CLDN18: variants seen among roughly 807,000 people sequenced by gnomAD.
CLDN18 encodes the protein claudin-18.
In CLDN18, 20 loss-of-function variants were observed where a neutral mutation model predicts 25.0. The observed-to-expected ratio is 0.80, with a 90% CI of 0.56 to 1.16. The LOEUF (loss-of-function observed/expected upper bound fraction) is 1.16, where lower values mean the gene tolerates loss of function less well. CLDN18 is among the 50% of genes most tolerant of loss of function. The probability of loss-of-function intolerance (pLI) is 0.00; values close to 1 mark genes in which losing one functional copy is unlikely to be tolerated. For missense variants in CLDN18, 297 were observed against 345.4 expected, an observed-to-expected ratio of 0.86 and a Z score of 1.11; for synonymous variants, 125 against 135.6, an observed-to-expected ratio of 0.92 and a Z score of 0.54.
At chr3:138,010,018 T>G (rs1942113154), upstream of CLDN18, 6 of 823,468 alleles carry the variant, frequency 7.3e-6, no homozygotes, top group Non-Finnish European at 1.1e-5. Flanking sequence ...AAGTGCCTCT[T>G]GGGCCCGCTT....
intron 3 of CLDN18, among the ~76,000 whole-genome samples, chr3:138,027,772 C>T (rs1942342643): frequency 6.6e-6 from 1 of 152,298 alleles, no homozygotes; most frequent in South Asian, 2.1e-4. Flanking sequence ...TGTCAGGGCC[C>T]ATGGACCAGA....
At chr3:138,011,185 T>C (rs1028996090) in intron 1 of CLDN18, among the ~76,000 whole-genome samples, 20 of 152,208 alleles carry the variant, frequency 1.3e-4, no homozygotes, top group African/African-American at 4.6e-4. Flanking sequence ...GGGAGCTCTA[T>C]TTGTATTTTT....
chr3:138,008,782 C>T (rs563153725), upstream of CLDN18, among the ~76,000 whole-genome samples: 3 of 151,000 alleles, frequency 2.0e-5, no homozygotes, highest in South Asian at 6.3e-4. Context: ...AAAAATTAGC[C>T]GGGTGTGGTG....
rs547150299 is a variant in CLDN18, at chr3:138,012,706, G to A, written c.220+2261G>A. On this transcript the variant is annotated intron_variant, in intron 1 of 4. Coordinates refer to ENST00000183605, the MANE Select transcript of CLDN18 (RefSeq NM_016369.4). ...CCCGCGTGACACTGCTCTCAAATCT[G>A]AGAAGCATTTATTGCATACCTACAA... 1.0e-3 allele frequency among the ~76,000 whole-genome samples: 152 copies of A among 152,350 alleles called. 1 individual carries two copies. The highest frequency in any genetic ancestry group is 3.6e-3 in the African/African-American group (150 of 41,576).
chr3:138,031,684 C>A lies in CLDN18; in HGVS notation c.*543C>A, dbSNP rs1942398194. On this transcript the variant is annotated 3_prime_UTR_variant, in exon 5 of 5. Transcript: ENST00000183605. ...CTCTCCAGCCCATGATCTCGGTTTTCTTACACTGTGATCTTAAAAGTTACC... is the reference window on the plus strand; with the variant it reads ...CTCTCCAGCCCATGATCTCGGTTTTATTACACTGTGATCTTAAAAGTTACC... The A allele has an allele frequency of 6.6e-6, 1 of 152,186 alleles. No homozygotes were observed. Among genetic ancestry groups the A allele is most frequent in the South Asian group, 2.1e-4 (1 of 4,830 alleles). The allele number at this position is 152,186 out of a possible 1,614,324, so 9.4% of individuals were successfully genotyped here.
chr3:138,032,558 GT>G lies in CLDN18; in HGVS notation c.*1419del, dbSNP rs2107892324. 1 of 152,110 alleles carries G rather than the reference GT, an allele frequency of 6.6e-6. No homozygotes were observed. Among genetic ancestry groups the G allele is most frequent in the African/African-American group, 2.4e-5 (1 of 41,486 alleles). The allele number at this position is 152,110 out of a possible 1,614,324, so 9.4% of individuals were successfully genotyped here. ...AGTGACAGGTATCCACATTTGCATGGTTACAAGCCACTGCCAGTTAGCAGTA... is the reference window on the plus strand; with the variant it reads ...AGTGACAGGTATCCACATTTGCATGGTACAAGCCACTGCCAGTTAGCAGTA... On this transcript the variant is annotated 3_prime_UTR_variant, in exon 5 of 5. Transcript: ENST00000183605.
Position 138,029,837 on chromosome 3 carries a change from G to A in CLDN18, c.544G>A (p.Gly182Arg). ...GGCTCTGTTCGTGGGCTGGGTCGCT[G>A]GAGGCCTCACACTAATTGGGGGTGT... is the stretch of plus-strand genomic sequence containing the variant. ...GAALFVGWVA[G>R]GLTLIGGVMM... The change falls in exon 4 of 5, where the codon GGA becomes AGA. Residue 182 changes from glycine to arginine, a missense_variant. Coordinates refer to ENST00000183605, the MANE Select transcript of CLDN18 (RefSeq NM_016369.4). 18 of 1,594,380 alleles carry A rather than the reference G, an allele frequency of 1.1e-5. No homozygotes were observed. The highest frequency in any genetic ancestry group is 1.5e-5 in the Non-Finnish European group (18 of 1,171,528).
At chr3:137,999,425 G>T (rs1161775386) in intron 1 of CLDN18, among the ~76,000 whole-genome samples, 2 of 152,204 alleles carry the variant, frequency 1.3e-5, no homozygotes, top group Admixed American at 1.3e-4. Context: ...CGGCCACTTT[G>T]TTCCTTCGGC....
At chr3:138,010,567 A>C in intron 1 of CLDN18, 122 bp downstream of exon 1, 1 of 1,263,430 alleles carries the variant, frequency 7.9e-7, no homozygotes, top group Non-Finnish European at 1.1e-6. Flanking sequence ...TCAGAATGAA[A>C]GGTGTGAATA....
chr3:138,031,322 C>T lies in CLDN18; in HGVS notation c.*181C>T. ...TCAGTCTCTGTCTCTAAATATTCCA[C>T]CATAAAACAGCTGAGTTATTTATGA... On this transcript the variant is annotated 3_prime_UTR_variant, in exon 5 of 5. Coordinates refer to ENST00000183605, the MANE Select transcript of CLDN18 (RefSeq NM_016369.4). 2.2e-6 allele frequency: 1 copy of T among 447,932 alleles called. No homozygotes were observed. The highest frequency in any genetic ancestry group is 3.9e-6 in the Non-Finnish European group (1 of 257,488). 27.7% of individuals were successfully genotyped at this position (447,932 alleles called of 1,614,324 possible). A position where few individuals can be genotyped will look rare whatever the true frequency, so the allele number is the denominator to read the frequency against.
At chr3:138,025,921 A>G (rs893990147) in intron 3 of CLDN18, among the ~76,000 whole-genome samples, 7 of 152,048 alleles carry the variant, frequency 4.6e-5, no homozygotes, top group African/African-American at 1.4e-4. Context: ...AATGCCTGCC[A>G]TCACTCTCTC....
At chr3:137,998,838 G>A (rs763678640) in exon 1 of CLDN18, 15 of 1,605,388 alleles carry the variant, frequency 9.3e-6, no homozygotes, top group East Asian at 4.5e-5. Context: ...TCCACTTGTC[G>A]TGTGGCTCTG....
intron 1 of CLDN18, among the ~76,000 whole-genome samples, chr3:137,999,324 C>T (rs1351871306): frequency 1.3e-5 from 2 of 152,210 alleles, no homozygotes; most frequent in Admixed American, 6.5e-5. Context: ...GCCCAATTCT[C>T]CCAGAGGAAC....
chr3:138,016,964 G>A (rs1942213243), intron 1 of CLDN18, among the ~76,000 whole-genome samples: 1 of 152,008 alleles, frequency 6.6e-6, no homozygotes, highest in South Asian at 2.1e-4. Context: ...GCTGAGACAG[G>A]AGAATTGCTT....
chr3:138,003,174 A>C (rs1942036340), intron 1 of CLDN18, among the ~76,000 whole-genome samples: 1 of 152,168 alleles, frequency 6.6e-6, no homozygotes, highest in African/African-American at 2.4e-5. Context: ...CCCACCAGAC[A>C]AGAGTAGCAT....
chr3:138,033,033 G>A lies in CLDN18; in HGVS notation c.*1892G>A, dbSNP rs574804358. On this transcript the variant is annotated 3_prime_UTR_variant, in exon 5 of 5. Coordinates refer to ENST00000183605, the MANE Select transcript of CLDN18 (RefSeq NM_016369.4). ...GAACTTGGCCATTAGGTTATTATTTGAGAGGAAAGTCCTCACATCAATAGT... is the reference window on the plus strand; with the variant it reads ...GAACTTGGCCATTAGGTTATTATTTAAGAGGAAAGTCCTCACATCAATAGT... The A allele has an allele frequency of 2.6e-5, 4 of 152,332 alleles. No homozygotes were observed. In the South Asian group the frequency reaches 8.3e-4, roughly 32 times the overall value. 9.4% of individuals were successfully genotyped at this position (152,332 alleles called of 1,614,324 possible).
chr3:138,024,564 C>T (rs1461021478), intron 2 of CLDN18, 43 bp from the exon 3 acceptor site: 1 of 1,181,054 alleles, frequency 8.5e-7, no homozygotes, highest in Non-Finnish European at 1.3e-6. Flanking sequence ...ACATTGTAAT[C>T]CCTTGAAACT....
rs1942304542 is a variant in CLDN18, at chr3:138,024,659, C to G, written c.438C>G (p.Asn146Lys). ...TGTTTGCCAACATGCTGGTGACTAA[C>G]TTCTGGATGTCCACAGCTAACATGT... ...VSVFANMLVT[N>K]FWMSTANMYT... The change falls in exon 3 of 5, where the codon AAC becomes AAG. Residue 146 changes from asparagine to lysine, a missense_variant. Coordinates refer to ENST00000183605, the MANE Select transcript of CLDN18 (RefSeq NM_016369.4). The G allele has an allele frequency of 6.2e-7, 1 of 1,613,852 alleles. No homozygotes were observed. Among genetic ancestry groups the G allele is most frequent in the Non-Finnish European group, 8.5e-7 (1 of 1,179,850 alleles).
In CLDN18 at chr3:137,999,131, G is replaced by C. The variant is rs759249228; in HGVS notation, c.220+43G>C. On this transcript the variant is annotated intron_variant, in intron 1 of 4. Transcript: ENST00000343735. ...GGCTGGCTGGAGGGAGAGATTGGAG[G>C]TGGAGAGGAAACTGCAGGCTCTGTC... The C allele has an allele frequency of 1.9e-6, 3 of 1,568,560 alleles. No homozygotes were observed. The African/African-American group carries it at 4.1e-5, about 21-fold the overall frequency.
Sources: allele counts gnomAD v4.1 joint callset (sites outside exome capture counted in the v4.1 genomes callset), GRCh38; gene constraint gnomAD v4.1.1; transcripts MANE v1.5; gene names NCBI Gene and HGNC (gene_info 2026-07-23, HGNC 2026-07-21).